ARHGAP24: variants seen among roughly 807,000 people sequenced by gnomAD.
The protein encoded by ARHGAP24 is rho GTPase-activating protein 24.
A neutral mutation model predicts 76.4 loss-of-function variants in ARHGAP24; 50 were observed. That is an observed-to-expected ratio of 0.65 (90% CI 0.52 to 0.83). The LOEUF is 0.83. Ranked by LOEUF, ARHGAP24 falls within the 40% of genes least tolerant of loss-of-function variation. The pLI is 0.00. For missense variants in ARHGAP24, 930 were observed against 914.2 expected, an observed-to-expected ratio of 1.02 and a Z score of -0.22; for synonymous variants, 345 against 323.3, an observed-to-expected ratio of 1.07 and a Z score of -0.72.
intron 3 of ARHGAP24, among the ~76,000 whole-genome samples, chr4:85,779,341 G>A (rs1241143237): frequency 6.6e-6 from 1 of 152,124 alleles, no homozygotes; most frequent in Non-Finnish European, 1.5e-5. Flanking sequence ...GGGCAGGAGG[G>A]GGAGCTTAAT....
intron 8 of ARHGAP24, chr4:85,992,007 TTA>T: frequency 2.5e-6 from 1 of 394,738 alleles, no homozygotes. Context: ...TATGTGATAT[TTA>T]GAGTCAACCT....
intron 3 of ARHGAP24, among the ~76,000 whole-genome samples, chr4:85,803,817 T>G (rs1367430608): frequency 6.6e-6 from 1 of 152,198 alleles, no homozygotes; most frequent in African/African-American, 2.4e-5. Context: ...CTTATTAGAG[T>G]CAGAGGCTCC....
At chr4:85,739,315 C>T (rs1174070575) in intron 3 of ARHGAP24, among the ~76,000 whole-genome samples, 2 of 152,182 alleles carry the variant, frequency 1.3e-5, no homozygotes, top group Non-Finnish European at 2.9e-5. Flanking sequence ...TAGGACTTGC[C>T]ATAAGTCAGG....
chr4:85,946,818 A>G (rs959501270), intron 5 of ARHGAP24, among the ~76,000 whole-genome samples: 5 of 152,200 alleles, frequency 3.3e-5, no homozygotes, highest in African/African-American at 1.2e-4. Flanking sequence ...TTTTGCTAGA[A>G]TAATTTCTTT....
intron 9 of ARHGAP24, among the ~76,000 whole-genome samples, chr4:85,997,345 G>T (rs56175649): frequency 0.01 from 1,274 of 124,398 alleles, 19 homozygotes; most frequent in East Asian, 0.074. Flanking sequence ...GATAGATAGA[G>T]AGATAGATAA....
intron 3 of ARHGAP24, among the ~76,000 whole-genome samples, chr4:85,757,276 T>C (rs1726544276): frequency 6.6e-6 from 1 of 151,540 alleles, no homozygotes; most frequent in African/African-American, 2.4e-5. Flanking sequence ...TGCAGGTTTG[T>C]TACATATGTA....
intron 2 of ARHGAP24, among the ~76,000 whole-genome samples, chr4:85,710,012 A>C (rs570650514): frequency 1.2e-4 from 19 of 152,222 alleles, no homozygotes; most frequent in South Asian, 1.0e-3. Flanking sequence ...CTAGAAAAAA[A>C]CTATTTAAAA....
intron 3 of ARHGAP24, among the ~76,000 whole-genome samples, chr4:85,803,208 G>A (rs533269831): frequency 1.1e-4 from 17 of 152,272 alleles, no homozygotes; most frequent in Admixed American, 2.6e-4. Flanking sequence ...ATTACATTGG[G>A]TCTGGCTTTT....
intron 2 of ARHGAP24, among the ~76,000 whole-genome samples, chr4:85,698,357 C>CTATAGAA (rs2110023627): frequency 6.6e-6 from 1 of 152,114 alleles, no homozygotes; most frequent in East Asian, 1.9e-4. Flanking sequence ...GCAAGTGTAT[C>CTATAGAA]TATAGAATAT....
At chr4:85,555,803 G>T (rs1422874707) in intron 1 of ARHGAP24, among the ~76,000 whole-genome samples, 1 of 152,234 alleles carries the variant, frequency 6.6e-6, no homozygotes, top group African/African-American at 2.4e-5. Flanking sequence ...CTGGGGTGGG[G>T]TGGCTGCATT....
chr4:85,928,625 AT>A (rs986458815), intron 4 of ARHGAP24, among the ~76,000 whole-genome samples: 12 of 151,246 alleles, frequency 7.9e-5, no homozygotes, highest in African/African-American at 2.9e-4. Flanking sequence ...ATCCACCTAA[AT>A]TTTTTTTGTA....
chr4:85,771,990 T>C (rs1467586373), intron 3 of ARHGAP24, among the ~76,000 whole-genome samples: 2 of 152,202 alleles, frequency 1.3e-5, no homozygotes, highest in Non-Finnish European at 2.9e-5. Context: ...ATTACAGATG[T>C]GAGCCACTGT....
At chr4:85,821,916 T>C (rs758524002) in intron 3 of ARHGAP24, among the ~76,000 whole-genome samples, 3 of 152,210 alleles carry the variant, frequency 2.0e-5, no homozygotes, top group Non-Finnish European at 2.9e-5. Context: ...ATAAAACATA[T>C]GTAAAAGTAT....
At chr4:85,759,974 C>T (rs1393001572) in intron 3 of ARHGAP24, among the ~76,000 whole-genome samples, 1 of 152,118 alleles carries the variant, frequency 6.6e-6, no homozygotes, top group Non-Finnish European at 1.5e-5. Flanking sequence ...GTCTCATTAA[C>T]TCACAGTTCC....
chr4:85,664,462 G>C (rs1454982354), intron 2 of ARHGAP24, among the ~76,000 whole-genome samples: 1 of 151,010 alleles, frequency 6.6e-6, no homozygotes, highest in East Asian at 1.9e-4. Flanking sequence ...CAAAAAACCA[G>C]CCCCTGGATT....
At chr4:85,829,723 G>A (rs575499957) in intron 3 of ARHGAP24, among the ~76,000 whole-genome samples, 3 of 152,296 alleles carry the variant, frequency 2.0e-5, no homozygotes, top group South Asian at 2.1e-4. Context: ...GTACAGGAAG[G>A]CCTTGTGTAA....
chr4:85,733,060 C>CCTTTTTTTTTTTTTTTTTTTTTTTT (rs1460021134), intron 3 of ARHGAP24, among the ~76,000 whole-genome samples: 1 of 55,206 alleles, frequency 1.8e-5, no homozygotes, highest in Admixed American at 3.9e-4. Flanking sequence ...GCCTCACCAA[C>CCTTTTTTTTTTTTTTTTTTTTTTTT]TTTTTTTTTT....
At chr4:85,897,105 A>G (rs1211802300) in intron 3 of ARHGAP24, among the ~76,000 whole-genome samples, 1 of 152,166 alleles carries the variant, frequency 6.6e-6, no homozygotes, top group African/African-American at 2.4e-5. Context: ...AGCCATTCCC[A>G]TGAAAAGACT....
chr4:85,625,424 G>C (rs1720907319), intron 2 of ARHGAP24, among the ~76,000 whole-genome samples: 1 of 152,138 alleles, frequency 6.6e-6, no homozygotes, highest in Non-Finnish European at 1.5e-5. Context: ...TGATTGCACT[G>C]TTGTCTGAGA....
Sources: allele counts gnomAD v4.1 joint callset (sites outside exome capture counted in the v4.1 genomes callset), GRCh38; gene constraint gnomAD v4.1.1; transcripts MANE v1.5; gene names NCBI Gene and HGNC (gene_info 2026-07-23, HGNC 2026-07-21).